WDR48: variants seen among roughly 807,000 people sequenced by gnomAD.
WDR48 encodes WD repeat domain 48.
In WDR48, 22 loss-of-function variants were observed where a neutral mutation model predicts 94.0. The ratio of observed to expected loss-of-function variants is 0.23; its 90% CI spans 0.17 to 0.33. WDR48 has a LOEUF of 0.33. WDR48 is among the 10% of genes least tolerant of loss of function. The probability of loss-of-function intolerance (pLI) is 1.00; values close to 1 mark genes in which losing one functional copy is unlikely to be tolerated. For missense variants in WDR48, 541 were observed against 813.8 expected (o/e 0.66, Z 4.08); for synonymous variants, 278 against 280.5 (o/e 0.99, Z 0.09).
intron 11 of WDR48, among the ~76,000 whole-genome samples, chr3:39,080,598 T>C (rs940141451): frequency 6.6e-6 from 1 of 152,198 alleles, no homozygotes; most frequent in Non-Finnish European, 1.5e-5. Flanking sequence ...TTGAGGGTCA[T>C]AAATGATGAA....
Position 39,078,248 on chromosome 3 carries a change from A to G in WDR48, c.1075+9A>G. 1 of 1,594,516 alleles carries G rather than the reference A, an allele frequency of 6.3e-7. No homozygotes were observed. Among genetic ancestry groups the G allele is most frequent in the Non-Finnish European group, 8.6e-7 (1 of 1,164,356 alleles). On this transcript the variant is annotated intron_variant, in intron 10 of 18. Transcript: ENST00000302313. ...TGACCAGGTTATTAAAGGTAAGAAA[A>G]TGGAAGGTACTGTACCCCTTATTGA...
chr3:39,059,347 C>T (rs939291222), intron 1 of WDR48, among the ~76,000 whole-genome samples: 5 of 151,956 alleles, frequency 3.3e-5, no homozygotes, highest in African/African-American at 1.2e-4. Context: ...GATGTGTTTA[C>T]GGTAACAGAA....
intron 11 of WDR48, among the ~76,000 whole-genome samples, chr3:39,082,552 T>G (rs1337609866): frequency 1.3e-5 from 2 of 152,110 alleles, no homozygotes; most frequent in Non-Finnish European, 1.5e-5. Flanking sequence ...AGTGCTGAGA[T>G]TACAGGCATG....
intron 6 of WDR48, 27 bp downstream of exon 6, chr3:39,068,886 A>T (rs74368662): frequency 1.6e-5 from 17 of 1,079,876 alleles, no homozygotes; most frequent in South Asian, 1.9e-5. Context: ...TTCTTTATTT[A>T]AAAAAAAAAA....
chr3:39,072,696 C>G (rs1181485507), intron 7 of WDR48, among the ~76,000 whole-genome samples: 1 of 152,170 alleles, frequency 6.6e-6, no homozygotes, highest in Non-Finnish European at 1.5e-5. Context: ...TGAACATCTT[C>G]ATGTTTATCT....
At chr3:39,084,051 T>G in intron 11 of WDR48, 104 bp from the exon 12 acceptor site, 2 of 723,082 alleles carry the variant, frequency 2.8e-6, no homozygotes, top group Middle Eastern at 2.7e-4. Context: ...TTAGACTGTT[T>G]CACTTAGACA....
chr3:39,085,408 A>G (rs1336158449), intron 13 of WDR48, 107 bp from the exon 14 acceptor site: 1 of 899,414 alleles, frequency 1.1e-6, no homozygotes, highest in Non-Finnish European at 1.8e-6. Context: ...TGGGTTAAGA[A>G]TGTAACATCA....
chr3:39,059,146 T>C (rs1359129743), intron 1 of WDR48, among the ~76,000 whole-genome samples: 1 of 150,484 alleles, frequency 6.6e-6, no homozygotes, highest in Non-Finnish European at 1.5e-5. Flanking sequence ...ATAGATAGGG[T>C]CATAACCCTG....
chr3:39,087,924 T>G, intron 14 of WDR48: 1 of 545,670 alleles, frequency 1.8e-6, no homozygotes, highest in Admixed American at 3.2e-5. Flanking sequence ...ATACAGTCAT[T>G]TTTTCCATGA....
chr3:39,071,834 A>T (rs77347169), intron 7 of WDR48, among the ~76,000 whole-genome samples: 4,390 of 152,332 alleles, frequency 0.029, 214 homozygotes, highest in African/African-American at 0.1. Context: ...ATAACTGCTT[A>T]TTTGGGAAAA....
At chr3:39,068,717 G>A in intron 5 of WDR48, 54 bp from the exon 6 acceptor site, 2 of 1,375,472 alleles carry the variant, frequency 1.5e-6, no homozygotes, top group South Asian at 1.4e-5. Context: ...TTGCTGACTA[G>A]TTACTAAACA....
chr3:39,054,057 C>T (rs577396255), intron 1 of WDR48, among the ~76,000 whole-genome samples: 8 of 152,156 alleles, frequency 5.3e-5, no homozygotes, highest in Non-Finnish European at 8.8e-5. Context: ...AGGGAACTTT[C>T]GGAATTTGTC....
At chr3:39,072,666 T>A (rs2034005173) in intron 7 of WDR48, among the ~76,000 whole-genome samples, 1 of 152,200 alleles carries the variant, frequency 6.6e-6, no homozygotes, top group South Asian at 2.1e-4. Context: ...TCTGTCCTAG[T>A]CCCAGGAGTT....
intron 1 of WDR48, among the ~76,000 whole-genome samples, chr3:39,057,510 C>CT (rs1479786636): frequency 6.6e-6 from 1 of 152,140 alleles, no homozygotes; most frequent in East Asian, 1.9e-4. Flanking sequence ...ATTTTAAAAA[C>CT]TAAGTAATAC....
intron 15 of WDR48, among the ~76,000 whole-genome samples, chr3:39,088,967 C>T (rs556385820): frequency 5.5e-4 from 83 of 152,218 alleles, no homozygotes; most frequent in African/African-American, 1.8e-3. Context: ...TTGCTTGCAC[C>T]CAGGTTTCCT....
chr3:39,072,930 TG>T (rs1396069511), intron 7 of WDR48, among the ~76,000 whole-genome samples: 2 of 152,224 alleles, frequency 1.3e-5, no homozygotes, highest in Non-Finnish European at 2.9e-5. Context: ...AGAGATTACT[TG>T]GCGTTCTATA....
Position 39,063,199 on chromosome 3 carries a change from G to A in WDR48, c.189+9G>A. 1 of 1,612,904 alleles carries A rather than the reference G, an allele frequency of 6.2e-7. No individual in the cohort carries two copies. ...GTGTCAATCAGCACAAGGTAATGCA[G>A]GGATTAAAATCTGTACCCAGCAAAT... is the stretch of plus-strand genomic sequence containing the variant. On this transcript the variant is annotated intron_variant, in intron 2 of 18. Transcript: ENST00000302313.
chr3:39,094,294 A>G (rs2035230845), intron 18 of WDR48: 6 of 1,426,400 alleles, frequency 4.2e-6, no homozygotes, highest in Non-Finnish European at 5.5e-6. Flanking sequence ...CTGACAAGAA[A>G]AAAGACACAT....
intron 1 of WDR48, among the ~76,000 whole-genome samples, chr3:39,053,738 A>G (rs1421409860): frequency 6.6e-6 from 1 of 152,178 alleles, no homozygotes; most frequent in African/African-American, 2.4e-5. Flanking sequence ...GCAATAAAGT[A>G]TATATATTTT....
Sources: allele counts gnomAD v4.1 joint callset (sites outside exome capture counted in the v4.1 genomes callset), GRCh38; gene constraint gnomAD v4.1.1; transcripts MANE v1.5; gene names NCBI Gene and HGNC (gene_info 2026-07-23, HGNC 2026-07-21).